The following ANGPT2 variants were observed in gnomAD, a reference collection of about 807,000 sequenced individuals.
The protein encoded by ANGPT2 is angiopoietin-2.
In ANGPT2, 28 loss-of-function variants were observed where a neutral mutation model predicts 62.9. That is an observed-to-expected ratio of 0.44 (90% CI 0.33 to 0.61). The LOEUF (loss-of-function observed/expected upper bound fraction) is 0.61, where lower values mean the gene tolerates loss of function less well. Among genes scored for constraint, ANGPT2 ranks in the 20% least tolerant of loss-of-function variants. The pLI is 0.03. For synonymous variants in ANGPT2, 284 were observed against 207.8 expected (o/e 1.37, Z -3.15); for missense variants, 727 against 594.9 (o/e 1.22, Z -2.31).
chr8:6,508,678 C>G (rs974117203), intron 8 of ANGPT2: 1 of 595,866 alleles, frequency 1.7e-6, no homozygotes, highest in Non-Finnish European at 2.9e-6. Flanking sequence ...ATCAAATATC[C>G]CCTCTCCTTG....
intron 1 of ANGPT2, 69 bp downstream of exon 1, chr8:6,562,578 T>TTTTTTTTTTTTTTTTTAAAAA: frequency 1.1e-6 from 1 of 880,186 alleles, no homozygotes; most frequent in Non-Finnish European, 1.6e-6. Context: ...TTTTGGTTGT[T>TTTTTTTTTTTTTTTTTAAAAA]AAAACCTGAG....
intron 1 of ANGPT2, among the ~76,000 whole-genome samples, chr8:6,549,797 G>T (rs1823293131): frequency 6.6e-6 from 1 of 151,306 alleles, no homozygotes; most frequent in Non-Finnish European, 1.5e-5. Context: ...GGTGGTCATT[G>T]CACAGGTGCG....
intron 1 of ANGPT2, among the ~76,000 whole-genome samples, chr8:6,559,955 C>T (rs1825262166): frequency 6.6e-6 from 1 of 152,226 alleles, no homozygotes; most frequent in Non-Finnish European, 1.5e-5. Context: ...AAGCCTGACA[C>T]TTCCTTTGCC....
intron 1 of ANGPT2, among the ~76,000 whole-genome samples, chr8:6,539,625 C>T (rs930085494): frequency 5.9e-5 from 9 of 152,102 alleles, no homozygotes; most frequent in East Asian, 1.9e-4. Context: ...CTCGCTCTGT[C>T]TCTCAGGCTG....
chr8:6,502,934 A>T lies in ANGPT2; in HGVS notation c.*167T>A. ...TTGGTCCGTTAAGTGATGCAAGTTTAAGTGATAAAGTTTACAGGCTCTAAT... is the reference window on the plus strand; with the variant it reads ...TTGGTCCGTTAAGTGATGCAAGTTTTAGTGATAAAGTTTACAGGCTCTAAT... On this transcript the variant is annotated 3_prime_UTR_variant, in exon 9 of 9. Coordinates refer to ENST00000629816, the MANE Select transcript of ANGPT2 (RefSeq NM_001118887.2). 1 of 716,516 alleles carries T rather than the reference A, an allele frequency of 1.4e-6. No individual in the cohort carries two copies. The highest frequency in any genetic ancestry group is 2.3e-6 in the Non-Finnish European group (1 of 439,830). 44.4% of individuals were successfully genotyped at this position (716,516 alleles called of 1,614,324 possible).
chr8:6,504,019 A>G (rs1812727696), intron 8 of ANGPT2, among the ~76,000 whole-genome samples: 1 of 152,150 alleles, frequency 6.6e-6, no homozygotes, highest in Non-Finnish European at 1.5e-5. Flanking sequence ...AAAAATCTAG[A>G]AATATTCTAT....
chr8:6,510,269 C>G (rs2129566416), intron 7 of ANGPT2, among the ~76,000 whole-genome samples: 1 of 151,958 alleles, frequency 6.6e-6, no homozygotes, highest in South Asian at 2.1e-4. Context: ...ATGGGGTATG[C>G]CATGTTGGCA....
At chr8:6,540,599 C>T (rs1015818013) in intron 1 of ANGPT2, among the ~76,000 whole-genome samples, 5 of 152,234 alleles carry the variant, frequency 3.3e-5, no homozygotes, top group Admixed American at 2.0e-4. Flanking sequence ...TGTCAGGCCA[C>T]GTCTGCATAT....
At chr8:6,555,315 C>G (rs1048381859) in intron 1 of ANGPT2, among the ~76,000 whole-genome samples, 1 of 152,196 alleles carries the variant, frequency 6.6e-6, no homozygotes, top group Non-Finnish European at 1.5e-5. Flanking sequence ...TTTCGTCGTC[C>G]TGCCTTTCAA....
At chr8:6,516,511 T>C (rs1321847608) in intron 5 of ANGPT2, among the ~76,000 whole-genome samples, 1 of 152,182 alleles carries the variant, frequency 6.6e-6, no homozygotes, top group Non-Finnish European at 1.5e-5. Flanking sequence ...AGGCCAAAAG[T>C]CCCTCAACAC....
intron 1 of ANGPT2, among the ~76,000 whole-genome samples, chr8:6,543,093 A>AC (rs1047509349): frequency 1.7e-4 from 26 of 150,978 alleles, no homozygotes; most frequent in African/African-American, 6.3e-4. Flanking sequence ...CTGGACAGAA[A>AC]CCCCCGCAAC....
chr8:6,516,916 A>G (rs1182443366), intron 5 of ANGPT2, among the ~76,000 whole-genome samples: 1 of 152,196 alleles, frequency 6.6e-6, no homozygotes, highest in African/African-American at 2.4e-5. Flanking sequence ...CAGCACATAA[A>G]TGATTTGAGC....
intron 2 of ANGPT2, among the ~76,000 whole-genome samples, chr8:6,530,560 G>T (rs1819297652): frequency 1.2e-5 from 1 of 82,232 alleles, no homozygotes; most frequent in Non-Finnish European, 3.0e-5. Flanking sequence ...GTTACTTTTG[G>T]TCCAACCTAA....
chr8:6,522,494 C>T (rs571679760), intron 3 of ANGPT2, among the ~76,000 whole-genome samples: 8 of 152,264 alleles, frequency 5.3e-5, no homozygotes, highest in Middle Eastern at 3.4e-3. Flanking sequence ...ACATTGAGGG[C>T]CAGGCTCAGT....
intron 1 of ANGPT2, among the ~76,000 whole-genome samples, chr8:6,547,785 G>A (rs953302602): frequency 5.9e-5 from 9 of 152,154 alleles, no homozygotes; most frequent in African/African-American, 2.2e-4. Flanking sequence ...CCATGCCGGT[G>A]GGAATGCGGG....
chr8:6,512,829 A>T (rs189507134), intron 7 of ANGPT2, among the ~76,000 whole-genome samples: 1 of 152,242 alleles, frequency 6.6e-6, no homozygotes, highest in Non-Finnish European at 1.5e-5. Context: ...GTAAACACCC[A>T]GGGAATGCTG....
intron 2 of ANGPT2, 51 bp from the exon 3 acceptor site, chr8:6,527,727 C>G (rs1239071342): frequency 1.3e-6 from 2 of 1,493,780 alleles, no homozygotes; most frequent in Admixed American, 2.1e-5. Flanking sequence ...ATTAGTTTAA[C>G]TTTCTAACTT....
chr8:6,530,894 C>T (rs1178219535), intron 2 of ANGPT2, among the ~76,000 whole-genome samples: 1 of 152,202 alleles, frequency 6.6e-6, no homozygotes, highest in Non-Finnish European at 1.5e-5. Flanking sequence ...TGGCATCTCC[C>T]CTCTCATGTC....
chr8:6,551,751 A>G (rs894917726), intron 1 of ANGPT2, among the ~76,000 whole-genome samples: 3 of 152,116 alleles, frequency 2.0e-5, no homozygotes, highest in South Asian at 2.1e-4. Context: ...AATTTCATAT[A>G]CCCCCAAATA....
Sources: allele counts gnomAD v4.1 joint callset (sites outside exome capture counted in the v4.1 genomes callset), GRCh38; gene constraint gnomAD v4.1.1; transcripts MANE v1.5; gene names NCBI Gene and HGNC (gene_info 2026-07-23, HGNC 2026-07-21).